SULT1C3: variants seen among roughly 807,000 people sequenced by gnomAD.
The protein encoded by SULT1C3 is sulfotransferase 1C3.
Under a neutral mutation model 28.4 loss-of-function variants are expected in SULT1C3, and 31 were observed. That is an observed-to-expected ratio of 1.09 (90% CI 0.82 to 1.47). SULT1C3 has a LOEUF of 1.47. Among genes scored for constraint, SULT1C3 ranks in the 40% most tolerant of loss-of-function variants. The pLI is 0.00. For synonymous variants in SULT1C3, 106 were observed against 92.2 expected (o/e 1.15, Z -0.86); for missense variants, 307 against 272.5 (o/e 1.13, Z -0.89).
At chr2:108,252,147 T>TTAGA (rs57768246) in intron 2 of SULT1C3, among the ~76,000 whole-genome samples, 19,030 of 148,954 alleles carry the variant, frequency 0.13, 1,433 homozygotes, top group East Asian at 0.34. Context: ...AGATGATAGA[T>TTAGA]TAGATAGATA....
In SULT1C3 at chr2:108,247,517, C is replaced by T. The variant is rs964944088; in HGVS notation, c.172+151C>T. ...TTGGTGCTGCAGGACATTTAGCATT[C>T]CTGATCCCTAGGACAACAATTTCCA... On this transcript the variant is annotated intron_variant, in intron 2 of 7. Transcript: ENST00000681802. The T allele has an allele frequency of 4.2e-6, 3 of 713,878 alleles. No individual in the cohort carries two copies. The African/African-American group carries it at 5.5e-5, about 13-fold the overall frequency. 44.2% of individuals were successfully genotyped at this position (713,878 alleles called of 1,614,324 possible).
intron 4 of SULT1C3, among the ~76,000 whole-genome samples, 192 bp downstream of exon 4, chr2:108,253,634 C>A (rs555930916): frequency 6.6e-6 from 1 of 152,008 alleles, no homozygotes; most frequent in African/African-American, 2.4e-5. Flanking sequence ...TTCTAAAATT[C>A]ATTTTCCTCT....
Position 108,256,845 on chromosome 2 carries a change from T to C in SULT1C3, c.526+1147T>C, listed in dbSNP as rs190641335. On this transcript the variant is annotated intron_variant, in intron 5 of 7. Transcript: ENST00000681802. ...AGAACATTTTCTCTAGAAACATAAATTAAAAAGGACTGACAGATGGAAATA... is the reference window on the plus strand; with the variant it reads ...AGAACATTTTCTCTAGAAACATAAACTAAAAAGGACTGACAGATGGAAATA... Among the ~76,000 whole-genome samples the C allele has an allele frequency of 8.5e-5, 13 of 152,062 alleles. No individual in the cohort carries two copies. In the East Asian group the frequency reaches 2.5e-3, roughly 29 times the overall value.
intron 1 of SULT1C3, among the ~76,000 whole-genome samples, chr2:108,245,059 C>T (rs1675545440): frequency 6.6e-6 from 1 of 152,130 alleles, no homozygotes; most frequent in Non-Finnish European, 1.5e-5. Context: ...TAGTCTCCTT[C>T]CTTTCGGTAT....
At chr2:108,246,471 C>T (rs542367710) in intron 1 of SULT1C3, among the ~76,000 whole-genome samples, 468 of 152,196 alleles carry the variant, frequency 3.1e-3, no homozygotes, top group Admixed American at 6.3e-3. Context: ...GAAAAGAGAG[C>T]TTGTGCAGGG....
intron 1 of SULT1C3, among the ~76,000 whole-genome samples, chr2:108,242,170 T>TGA (rs1675476281): frequency 6.6e-6 from 1 of 152,202 alleles, no homozygotes; most frequent in Non-Finnish European, 1.5e-5. Context: ...ACGACACTTG[T>TGA]ATTCTACCAA....
intron 5 of SULT1C3, among the ~76,000 whole-genome samples, chr2:108,257,560 A>G (rs926531668): frequency 2.6e-5 from 4 of 151,974 alleles, no homozygotes; most frequent in Non-Finnish European, 5.9e-5. Flanking sequence ...ATCAACCCCA[A>G]TCCAAAAATA....
At chr2:108,265,322 A>G (rs765875552), downstream of SULT1C3, 1 of 1,613,882 alleles carries the variant, frequency 6.2e-7, no homozygotes, top group East Asian at 2.2e-5. Flanking sequence ...GATGGCAGGA[A>G]GCACCCTAAC....
Position 108,255,584 on chromosome 2 carries a change from G to A in SULT1C3, c.412G>A (p.Ala138Thr). Residue 138 changes from alanine to threonine, a missense_variant, in exon 5 of 8, where the codon GCC becomes ACC. By Grantham distance (58) the Ala-to-Thr change is moderately conservative (BLOSUM62 0). Transcript: ENST00000681802. Reference protein sequence around the residue: ...WKENCKIVYVARNPKDCLVSY... With the variant: ...WKENCKIVYVTRNPKDCLVSY... ...TCCTTGATTTCAGATTGTCTATGTG[G>A]CCAGAAATCCCAAGGATTGCCTGGT... The A allele has an allele frequency of 6.2e-7, 1 of 1,611,056 alleles. No individual in the cohort carries two copies. The highest frequency in any genetic ancestry group is 8.5e-7 in the Non-Finnish European group (1 of 1,178,156).
downstream of SULT1C3, chr2:108,265,046 G>T (rs755533432): frequency 3.2e-6 from 5 of 1,567,670 alleles, no homozygotes; most frequent in Non-Finnish European, 4.3e-6. Flanking sequence ...ATGGAACTCT[G>T]TGGTCCCCAT....
At chr2:108,246,879 A>G (rs1675595114) in intron 1 of SULT1C3, among the ~76,000 whole-genome samples, 1 of 152,202 alleles carries the variant, frequency 6.6e-6, no homozygotes, top group Non-Finnish European at 1.5e-5. Context: ...ATGCAGCAGG[A>G]AAAAGACTAT....
chr2:108,261,324 A>G (rs752251251), downstream of SULT1C3, among the ~76,000 whole-genome samples: 3 of 152,162 alleles, frequency 2.0e-5, no homozygotes, highest in Non-Finnish European at 2.9e-5. Context: ...CACGATATAA[A>G]TAAAATGCTT....
downstream of SULT1C3, among the ~76,000 whole-genome samples, chr2:108,261,098 T>C (rs1461569806): frequency 6.6e-6 from 1 of 152,184 alleles, no homozygotes; most frequent in Non-Finnish European, 1.5e-5. Flanking sequence ...TATACTTTTA[T>C]GTATAAATAA....
At chr2:108,245,593 T>C (rs1467648712) in intron 1 of SULT1C3, among the ~76,000 whole-genome samples, 1 of 151,938 alleles carries the variant, frequency 6.6e-6, no homozygotes, top group Non-Finnish European at 1.5e-5. Context: ...GGTAACACGG[T>C]TGTAGTAGCT....
intron 2 of SULT1C3, among the ~76,000 whole-genome samples, chr2:108,249,888 C>T (rs1156835623): frequency 6.6e-6 from 1 of 152,008 alleles, no homozygotes; most frequent in Non-Finnish European, 1.5e-5. Context: ...GACATAAATA[C>T]TTGACCCTTA....
rs1350795756 is a variant in SULT1C3, at chr2:108,258,632, AACG to A, written c.527-100_527-98del. On this transcript the variant is annotated intron_variant, in intron 5 of 7. Coordinates refer to ENST00000681802, the MANE Select transcript of SULT1C3 (RefSeq NM_001320878.2). The stretch of plus-strand genomic sequence containing the variant: ...TATTTCCACTTCGTTAAGGAACCAG[AACG>A]ATAGTTACAGAAGCTTATTTCAAAG... The A allele has an allele frequency of 3.2e-5, 27 of 841,882 alleles. No individual in the cohort carries two copies. In the African/African-American group the frequency reaches 4.6e-4, roughly 14 times the overall value. 52.2% of individuals were successfully genotyped at this position (841,882 alleles called of 1,614,324 possible).
At chr2:108,256,303 G>C (rs1254912671) in intron 5 of SULT1C3, among the ~76,000 whole-genome samples, 1 of 151,970 alleles carries the variant, frequency 6.6e-6, no homozygotes, top group African/African-American at 2.4e-5. Flanking sequence ...GATTGGCAAG[G>C]ATCTCAAACC....
At position 108,240,036 on chromosome 2, in the gene SULT1C3, G is replaced by A. The variant is rs1675426341; in HGVS notation, c.-55G>A. On this transcript the variant is annotated 5_prime_UTR_variant, in exon 1 of 8. Transcript: ENST00000681802. ...CCTGGCTCTGGGTTTCCAGGAAGCA[G>A]TTTGACTAAAGGCAGCAAGCTGCTT... Among the ~76,000 whole-genome samples the A allele has an allele frequency of 6.6e-6, 1 of 152,224 alleles. No homozygotes were observed. The highest frequency in any genetic ancestry group is 1.5e-5 in the Non-Finnish European group (1 of 68,040).
In SULT1C3 at chr2:108,252,499, T is replaced by C. The variant is rs1416846105; in HGVS notation, c.301+6T>C. On this transcript the variant is annotated splice_donor_region_variant and intron_variant, in intron 3 of 7. Coordinates refer to ENST00000681802, the MANE Select transcript of SULT1C3 (RefSeq NM_001320878.2). ...TCCCCATAAAGAAAAACCAGGTGAG[T>C]AATATGCACGAAGATAGAAAGGACT... 6 of 1,611,306 alleles carry C rather than the reference T, an allele frequency of 3.7e-6. No individual in the cohort carries two copies. The highest frequency in any genetic ancestry group is 3.3e-4 in the Middle Eastern group (2 of 6,036).
Sources: allele counts gnomAD v4.1 joint callset (sites outside exome capture counted in the v4.1 genomes callset), GRCh38; gene constraint gnomAD v4.1.1; transcripts MANE v1.5; gene names NCBI Gene and HGNC (gene_info 2026-07-23, HGNC 2026-07-21).